The following ITIH5 variants were observed in gnomAD, a reference collection of about 807,000 sequenced individuals.
ITIH5 encodes the protein inter-alpha-trypsin inhibitor heavy chain 5.
ITIH5 carries 65 observed loss-of-function variants against 77.5 expected under a neutral mutation model. That is an observed-to-expected ratio of 0.84 (90% CI 0.69 to 1.03). ITIH5 has a LOEUF of 1.03. Among genes scored for constraint, ITIH5 ranks in the 50% least tolerant of loss-of-function variants. ITIH5 has a pLI of 0.00. For synonymous variants in ITIH5, 525 were observed against 494.3 expected (o/e 1.06, Z -0.82); for missense variants, 1,208 against 1,213.1 (o/e 1.00, Z 0.06).
intron 7 of ITIH5, among the ~76,000 whole-genome samples, chr10:7,592,629 G>C (rs534094836): frequency 1.3e-5 from 2 of 152,186 alleles, no homozygotes; most frequent in South Asian, 4.1e-4. Context: ...CTGAGAAAGA[G>C]GATGTGCAGG....
chr10:7,658,543 C>T lies in ITIH5; in HGVS notation c.91-2868G>A, dbSNP rs113529705. ...CAGCCCTCAGAAGATCCAGAGAATA[C>T]GTGCCCAGGGTGTCGGGGCACAGCT... is the stretch of plus-strand genomic sequence containing the variant. On this transcript the variant is annotated intron_variant, in intron 1 of 13. Transcript: ENST00000397146. Among the ~76,000 whole-genome samples, 343 of 152,248 alleles carry T rather than the reference C, an allele frequency of 2.3e-3. 3 individuals are homozygous for T. Among genetic ancestry groups the T allele is most frequent in the Non-Finnish European group, 3.8e-3 (257 of 68,024 alleles).
chr10:7,629,474 C>T (rs1312696258), intron 5 of ITIH5, among the ~76,000 whole-genome samples: 3 of 141,234 alleles, frequency 2.1e-5, no homozygotes, highest in South Asian at 2.3e-4. Flanking sequence ...TCTGTGTTTT[C>T]GCATGTGTCC....
chr10:7,640,148 CAAA>C (rs56939703), intron 4 of ITIH5, among the ~76,000 whole-genome samples: 85 of 80,268 alleles, frequency 1.1e-3, no homozygotes, highest in Middle Eastern at 8.9e-3. Flanking sequence ...GGGGTAACTA[CAAA>C]AAAAAAAAAA....
At chr10:7,600,400 G>C in intron 7 of ITIH5, 1 of 379,370 alleles carries the variant, frequency 2.6e-6, no homozygotes, top group Non-Finnish European at 5.2e-6. Context: ...CATTCTCAAA[G>C]TGACCACAAC....
At chr10:7,657,588 A>G (rs928691686) in intron 1 of ITIH5, among the ~76,000 whole-genome samples, 13 of 152,216 alleles carry the variant, frequency 8.5e-5, no homozygotes, top group Non-Finnish European at 4.4e-5. Context: ...ACTATGATAC[A>G]TTGATTAATT....
chr10:7,617,099 G>A lies in ITIH5; in HGVS notation c.822+14C>T, dbSNP rs376760938. Reference sequence around the variant, plus strand: ...CAACCAACCAACATGAAATAGCAACGACGATCCTATTACCTGGATGTCCCC... The same window carrying A: ...CAACCAACCAACATGAAATAGCAACAACGATCCTATTACCTGGATGTCCCC... On this transcript the variant is annotated intron_variant, in intron 6 of 13. Coordinates refer to ENST00000397146, the MANE Select transcript of ITIH5 (RefSeq NM_030569.7). The A allele has an allele frequency of 1.7e-5, 26 of 1,503,166 alleles. No individual in the cohort carries two copies. Among genetic ancestry groups the A allele is most frequent in the Middle Eastern group, 1.8e-4 (1 of 5,686 alleles). 93.1% of individuals were successfully genotyped at this position (1,503,166 alleles called of 1,614,324 possible).
chr10:7,643,885 A>T (rs1203998752), intron 2 of ITIH5, among the ~76,000 whole-genome samples: 1 of 152,244 alleles, frequency 6.6e-6, no homozygotes, highest in Non-Finnish European at 1.5e-5. Flanking sequence ...CACGATCTGC[A>T]TACAAACCAC....
chr10:7,621,051 C>T (rs773733287), intron 5 of ITIH5: 4 of 152,160 alleles, frequency 2.6e-5, no homozygotes, highest in South Asian at 4.1e-4. Context: ...GATGGGACTC[C>T]GCCATTTGTG....
intron 12 of ITIH5, among the ~76,000 whole-genome samples, chr10:7,568,413 C>T (rs1197485402): frequency 1.3e-5 from 2 of 152,158 alleles, no homozygotes; most frequent in African/African-American, 4.8e-5. Flanking sequence ...GTTCCCACCA[C>T]GGACATCTCG....
At chr10:7,582,000 C>G (rs545997814) in intron 8 of ITIH5, among the ~76,000 whole-genome samples, 1 of 151,312 alleles carries the variant, frequency 6.6e-6, no homozygotes, top group Non-Finnish European at 1.5e-5. Context: ...CTCAGCCTCC[C>G]GAGTAGCTGG....
At chr10:7,657,727 T>G (rs1564283986) in intron 1 of ITIH5, among the ~76,000 whole-genome samples, 1 of 152,214 alleles carries the variant, frequency 6.6e-6, no homozygotes, top group Non-Finnish European at 1.5e-5. Context: ...TTAGTCCTTG[T>G]GAGTAGACAG....
At chr10:7,631,593 A>G (rs972947882) in intron 5 of ITIH5, among the ~76,000 whole-genome samples, 1 of 152,300 alleles carries the variant, frequency 6.6e-6, no homozygotes, top group African/African-American at 2.4e-5. Context: ...GGATTTCTCC[A>G]TCTCTGGTCT....
chr10:7,649,351 T>C (rs555418939), intron 2 of ITIH5, among the ~76,000 whole-genome samples: 1 of 152,220 alleles, frequency 6.6e-6, no homozygotes, highest in South Asian at 2.1e-4. Flanking sequence ...TTAGAAAGAG[T>C]TTCTATTTAG....
At chr10:7,606,098 T>C (rs1229615505) in intron 7 of ITIH5, among the ~76,000 whole-genome samples, 1 of 152,208 alleles carries the variant, frequency 6.6e-6, no homozygotes, top group Non-Finnish European at 1.5e-5. Context: ...GACCTCATTT[T>C]ATAACAGATG....
intron 7 of ITIH5, among the ~76,000 whole-genome samples, chr10:7,614,959 T>A (rs1187659395): frequency 6.6e-6 from 1 of 152,018 alleles, no homozygotes; most frequent in Admixed American, 6.6e-5. Context: ...TATAAAAAAA[T>A]GAAAAAGGCC....
intron 5 of ITIH5, among the ~76,000 whole-genome samples, chr10:7,627,102 C>T (rs1374625916): frequency 6.6e-6 from 1 of 151,584 alleles, no homozygotes; most frequent in Non-Finnish European, 1.5e-5. Context: ...ATGATGCTCA[C>T]AGAGCAAAGA....
At chr10:7,632,894 A>G (rs941808472) in intron 5 of ITIH5, among the ~76,000 whole-genome samples, 14 of 152,166 alleles carry the variant, frequency 9.2e-5, no homozygotes, top group African/African-American at 3.4e-4. Context: ...ATAAATGAAA[A>G]TTTTCTGCCA....
Position 7,579,778 on chromosome 10 carries a change from C to A in ITIH5, c.1395G>T (p.Glu465Asp). The change falls in exon 9 of 14, where the codon GAG (glutamate) becomes GAT (aspartate). Residue 465 changes from glutamate to aspartate, a missense_variant. Physicochemically the swap from Glu to Asp is conservative, Grantham distance 45. Coordinates refer to ENST00000397146, the MANE Select transcript of ITIH5 (RefSeq NM_030569.7). ...ACCCGATGAGCTGCGAGCCTGCGTC[C>A]TCCTCCTCGTGCACGCGCCGTGTGA... The part of the protein sequence containing the change: ...CGLTRRVHEE[E>D]DAGSQLIGFY... 1 of 1,613,856 alleles carries A rather than the reference C, an allele frequency of 6.2e-7. No homozygotes were observed. Among genetic ancestry groups the A allele is most frequent in the South Asian group, 1.1e-5 (1 of 91,084 alleles).
chr10:7,644,626 C>T (rs28680576), intron 2 of ITIH5, among the ~76,000 whole-genome samples: 16,397 of 96,968 alleles, frequency 0.17, 2,353 homozygotes, highest in African/African-American at 0.32. Flanking sequence ...ATATATATCA[C>T]ATATATCACA....
Sources: gnomAD v4.1 joint callset for allele counts (sites outside exome capture counted in the v4.1 genomes callset) on GRCh38, gnomAD v4.1.1 for gene constraint, MANE v1.5 for transcripts, NCBI Gene and HGNC (gene_info 2026-07-23, HGNC 2026-07-21) for gene names.